The following TENM2 variants were observed in gnomAD, a reference collection of about 807,000 sequenced individuals.
TENM2 encodes teneurin transmembrane protein 2.
Under a neutral mutation model 245.2 loss-of-function variants are expected in TENM2, and 52 were observed. That is an observed-to-expected ratio of 0.21 (90% confidence interval 0.17 to 0.27). The LOEUF is 0.27. TENM2 is among the 10% of genes least tolerant of loss of function. The probability of loss-of-function intolerance (pLI) is 1.00; values close to 1 mark genes in which losing one functional copy is unlikely to be tolerated. For synonymous variants in TENM2, 1,363 were observed against 1,438.9 expected, an observed-to-expected ratio of 0.95 and a Z score of 1.19; for missense variants, 3,046 against 3,666.8, an observed-to-expected ratio of 0.83 and a Z score of 4.37.
intron 13 of TENM2, among the ~76,000 whole-genome samples, chr5:168,170,580 G>A (rs1027570072): frequency 2.0e-5 from 3 of 151,904 alleles, no homozygotes; most frequent in Non-Finnish European, 4.4e-5. Flanking sequence ...AAGGAAGGAA[G>A]GAAGGAATTC....
At chr5:167,355,267 G>C (rs61512034) in intron 1 of TENM2, among the ~76,000 whole-genome samples, 5 of 152,138 alleles carry the variant, frequency 3.3e-5, no homozygotes, top group Non-Finnish European at 5.9e-5. Context: ...AGAAGCATAC[G>C]ACCTGCCAGA....
chr5:168,205,081 A>C (rs928421529), intron 19 of TENM2, among the ~76,000 whole-genome samples: 1 of 152,220 alleles, frequency 6.6e-6, no homozygotes, highest in African/African-American at 2.4e-5. Context: ...CAGCCTAGGT[A>C]GATTCCTCCT....
chr5:167,285,156 G>C, intron 1 of TENM2, 93 bp downstream of exon 3: 1 of 949,834 alleles, frequency 1.1e-6, no homozygotes, highest in South Asian at 1.5e-5. Context: ...CAGCATGGTG[G>C]TTTTTGACAG....
chr5:167,931,671 G>A (rs186227154), intron 3 of TENM2, among the ~76,000 whole-genome samples: 22 of 152,178 alleles, frequency 1.4e-4, no homozygotes, highest in East Asian at 7.7e-4. Flanking sequence ...ATAGCGAAAC[G>A]TGTCAAGAGC....
At chr5:167,216,832 T>C in the TENM2 span, among the ~76,000 whole-genome samples, 2 of 151,506 alleles carry the variant, frequency 1.3e-5, no homozygotes, top group African/African-American at 4.9e-5. Context: ...GAGGCTGAGG[T>C]GGGAGAATTG....
At chr5:167,161,258 G>T in the TENM2 span, among the ~76,000 whole-genome samples, 1 of 152,120 alleles carries the variant, frequency 6.6e-6, no homozygotes, top group African/African-American at 2.4e-5. Context: ...ATAATATTTT[G>T]TGGGACCACA....
chr5:167,771,600 TG>T (rs1379316255), intron 2 of TENM2, among the ~76,000 whole-genome samples: 120 of 152,326 alleles, frequency 7.9e-4, no homozygotes, highest in African/African-American at 2.9e-3. Flanking sequence ...ACTAAAATTT[TG>T]TTGGGCAGTT....
At chr5:168,214,353 G>T (rs760914816) in intron 20 of TENM2, among the ~76,000 whole-genome samples, 2 of 152,200 alleles carry the variant, frequency 1.3e-5, no homozygotes, top group African/African-American at 2.4e-5. Flanking sequence ...GGCAGACCGT[G>T]GCTCACGCCT....
intron 2 of TENM2, among the ~76,000 whole-genome samples, chr5:167,570,371 A>AAGAAGGTGGTTCTGGCTTG (rs11272421): frequency 6.6e-6 from 1 of 151,460 alleles, no homozygotes; most frequent in Non-Finnish European, 1.5e-5. Context: ...GTGGCATTTT[A>AAGAAGGTGGTTCTGGCTTG]AGAAGGATGA....
intron 28 of TENM2, among the ~76,000 whole-genome samples, chr5:168,261,760 T>C (rs1046118899): frequency 1.3e-5 from 2 of 151,330 alleles, no homozygotes; most frequent in African/African-American, 4.9e-5. Context: ...CAGGTGCCCA[T>C]GCCAGCAAAG....
At chr5:167,285,342 C>G (rs1461757608) in intron 1 of TENM2, among the ~76,000 whole-genome samples, 1 of 152,146 alleles carries the variant, frequency 6.6e-6, no homozygotes, top group Non-Finnish European at 1.5e-5. Flanking sequence ...TTAGATTCTC[C>G]TTGAACAAAT....
intron 2 of TENM2, among the ~76,000 whole-genome samples, chr5:167,743,971 T>C (rs1028977576): frequency 2.0e-5 from 3 of 152,178 alleles, no homozygotes; most frequent in Non-Finnish European, 4.4e-5. Context: ...GAGTCTCTTA[T>C]TTTATAATTG....
At chr5:167,438,825 C>T (rs186817246) in intron 2 of TENM2, among the ~76,000 whole-genome samples, 1 of 151,562 alleles carries the variant, frequency 6.6e-6, no homozygotes, top group African/African-American at 2.4e-5. Context: ...CGGACCTTCG[C>T]TCTTGTCACC....
chr5:167,360,294 C>G (rs1289549573), intron 1 of TENM2, among the ~76,000 whole-genome samples: 1 of 152,202 alleles, frequency 6.6e-6, no homozygotes, highest in African/African-American at 2.4e-5. Context: ...CTGTTTATCT[C>G]AGCCAAAATA....
chr5:167,799,490 A>C (rs186526916), intron 2 of TENM2, among the ~76,000 whole-genome samples: 2 of 152,342 alleles, frequency 1.3e-5, no homozygotes, highest in East Asian at 3.9e-4. Context: ...GCATCTACTT[A>C]GGGGAAAATC....
chr5:167,002,770 C>A, the TENM2 span, among the ~76,000 whole-genome samples: 1 of 151,760 alleles, frequency 6.6e-6, no homozygotes, highest in African/African-American at 2.4e-5. Flanking sequence ...GAGACTCTGT[C>A]TGTAAATAAT....
At chr5:167,776,599 A>AAAAAAAAAAAAAAC (rs1763803940) in intron 2 of TENM2, among the ~76,000 whole-genome samples, 1 of 83,928 alleles carries the variant, frequency 1.2e-5, no homozygotes, top group African/African-American at 6.0e-5. Flanking sequence ...GTCTGAAAAA[A>AAAAAAAAAAAAAAC]AAAAAAAAAA....
At chr5:167,714,628 T>A (rs1759135861) in intron 2 of TENM2, among the ~76,000 whole-genome samples, 1 of 152,178 alleles carries the variant, frequency 6.6e-6, no homozygotes, top group African/African-American at 2.4e-5. Context: ...AATAAACAAA[T>A]AATAGGAATT....
chr5:167,689,012 CTT>C (rs1757253764), intron 2 of TENM2, among the ~76,000 whole-genome samples: 1 of 152,106 alleles, frequency 6.6e-6, no homozygotes, highest in African/African-American at 2.4e-5. Context: ...CATTTTAAAC[CTT>C]GTGTAGGATT....
Sources: allele counts gnomAD v4.1 joint callset (sites outside exome capture counted in the v4.1 genomes callset), GRCh38; gene constraint gnomAD v4.1.1; transcripts MANE v1.5; gene names NCBI Gene and HGNC (gene_info 2026-07-23, HGNC 2026-07-21).